Variants in TEFM observed in about 807,000 individuals in gnomAD.
TEFM encodes the protein transcription elongation factor of mitochondria.
TEFM carries 14 observed loss-of-function variants against 23.0 expected under a neutral mutation model. The observed-to-expected ratio is 0.61, with a 90% CI of 0.40 to 0.95. The LOEUF (loss-of-function observed/expected upper bound fraction) is 0.95, where lower values mean the gene tolerates loss of function less well. Ranked by LOEUF, TEFM falls within the 40% of genes least tolerant of loss-of-function variation. TEFM has a pLI of 0.00. For synonymous variants in TEFM, 155 were observed against 158.3 expected (o/e 0.98, Z 0.16); for missense variants, 386 against 425.5 (o/e 0.91, Z 0.82).
intron 2 of TEFM, among the ~76,000 whole-genome samples, chr17:30,902,958 C>T (rs1910073398): frequency 6.6e-6 from 1 of 151,582 alleles, no homozygotes; most frequent in Non-Finnish European, 1.5e-5. Context: ...CTGGCGCCAA[C>T]ATGGTAAAAC....
At chr17:30,903,967 G>T (rs1467187607) in intron 2 of TEFM, 99 bp downstream of exon 2, 1 of 1,018,316 alleles carries the variant, frequency 9.8e-7, no homozygotes, top group Non-Finnish European at 1.4e-6. Context: ...TAAACCTGAA[G>T]AACCCTGTCT....
chr17:30,905,869 A>G (rs1437829670), intron 1 of TEFM, among the ~76,000 whole-genome samples: 2 of 152,168 alleles, frequency 1.3e-5, no homozygotes. Context: ...AGGCCGGGGA[A>G]GCACAAATGT....
At chr17:30,903,891 T>C (rs1910101024) in intron 2 of TEFM, 175 bp downstream of exon 2, 6 of 572,588 alleles carry the variant, frequency 1.0e-5, no homozygotes, top group Admixed American at 3.4e-5. Context: ...TTGTTTTCTC[T>C]CCTCTCAACT....
At chr17:30,903,729 G>C (rs190773136) in intron 2 of TEFM, among the ~76,000 whole-genome samples, 1 of 151,906 alleles carries the variant, frequency 6.6e-6, no homozygotes, top group Non-Finnish European at 1.5e-5. Context: ...TATCTCCAAC[G>C]ACACTCCTCT....
At position 30,906,238 on chromosome 17, in the gene TEFM, C is replaced by T; in HGVS notation, c.-40G>A. ...AGTAGGTCCAGTCTTCCTCCATTGACTTCCGGTTCCTGCGTGCTGCGCCCA... is the reference window on the plus strand; with the variant it reads ...AGTAGGTCCAGTCTTCCTCCATTGATTTCCGGTTCCTGCGTGCTGCGCCCA... On this transcript the variant is annotated 5_prime_UTR_variant, in exon 1 of 4. Transcript: ENST00000581216. The T allele has an allele frequency of 6.2e-7, 1 of 1,614,126 alleles. No homozygotes were observed. The highest frequency in any genetic ancestry group is 2.2e-5 in the East Asian group (1 of 44,872).
rs370890792 is a variant in TEFM, at chr17:30,900,463, G to A, written c.595C>T (p.Arg199Cys). 22 of 1,614,018 alleles carry A rather than the reference G, an allele frequency of 1.4e-5. No homozygotes were observed. Among genetic ancestry groups the A allele is most frequent in the South Asian group, 9.9e-5 (9 of 91,084 alleles). Reference protein sequence around the residue: ...LTVLDWQQSDRWSLMRGIYSS... With the variant: ...LTVLDWQQSDCWSLMRGIYSS... Reference sequence around the variant, plus strand: ...TATATTCCTCTCATTAAACTCCAACGGTCACTTTGCTGCCAGTCCAGCACT... The same window carrying A: ...TATATTCCTCTCATTAAACTCCAACAGTCACTTTGCTGCCAGTCCAGCACT... Residue 199 changes from arginine (R) to cysteine (C), a missense_variant, in exon 3 of 4, where the codon CGT (arginine) becomes TGT (cysteine). Arg to Cys is a radical substitution (Grantham distance 180). Coordinates refer to ENST00000581216, the MANE Select transcript of TEFM (RefSeq NM_024683.4).
chr17:30,900,973 A>G (rs1400217052), intron 2 of TEFM, among the ~76,000 whole-genome samples: 3 of 152,024 alleles, frequency 2.0e-5, no homozygotes, highest in African/African-American at 7.2e-5. Context: ...TTTATGTAAT[A>G]TAAACTTATT....
chr17:30,900,316 C>T, intron 3 of TEFM, 97 bp downstream of exon 3: 1 of 1,189,006 alleles, frequency 8.4e-7, no homozygotes, highest in South Asian at 1.7e-5. Flanking sequence ...AGAAGAAAAC[C>T]CATCTTTACT....
Position 30,899,027 on chromosome 17 carries a change from A to G in TEFM, c.*142T>C. 1 of 807,844 alleles carries G rather than the reference A, an allele frequency of 1.2e-6. No individual in the cohort carries two copies. Among genetic ancestry groups the G allele is most frequent in the Non-Finnish European group, 1.9e-6 (1 of 513,872 alleles). The allele number at this position is 807,844 out of a possible 1,614,324, so 50.0% of individuals were successfully genotyped here. ...TTGATTTGGTCTTGGCTTATTGTGT[A>G]AACCATTTAATAGCCAAAAGTCAGA... On this transcript the variant is annotated 3_prime_UTR_variant, in exon 4 of 4. Transcript: ENST00000581216.
intron 1 of TEFM, among the ~76,000 whole-genome samples, chr17:30,905,133 A>G (rs866788801): frequency 3.3e-5 from 5 of 152,336 alleles, no homozygotes; most frequent in African/African-American, 1.2e-4. Flanking sequence ...TATACCCATC[A>G]GGAAGCAAGT....
At chr17:30,902,008 ATTTT>A (rs1355822438) in intron 2 of TEFM, among the ~76,000 whole-genome samples, 1 of 152,050 alleles carries the variant, frequency 6.6e-6, no homozygotes, top group Non-Finnish European at 1.5e-5. Context: ...GTGGGAAGAA[ATTTT>A]TTTGTTTTGT....
In TEFM at chr17:30,899,044, A is replaced by G; in HGVS notation, c.*125T>C. On this transcript the variant is annotated 3_prime_UTR_variant, in exon 4 of 4. Transcript: ENST00000581216. Reference sequence around the variant, plus strand: ...TATTGTGTAAACCATTTAATAGCCAAAAGTCAGAATTTAAACATCTAAAAT... The same window carrying G: ...TATTGTGTAAACCATTTAATAGCCAGAAGTCAGAATTTAAACATCTAAAAT... 1 of 986,348 alleles carries G rather than the reference A, an allele frequency of 1.0e-6. No individual in the cohort carries two copies. 61.1% of individuals were successfully genotyped at this position (986,348 alleles called of 1,614,324 possible). A position where few individuals can be genotyped will look rare whatever the true frequency, so the allele number is the denominator to read the frequency against.
In TEFM at chr17:30,899,526, A is replaced by T; in HGVS notation, c.726T>A (p.Ser242=). ...GAAAATGTAACAGTATTGGAAACAG[A>T]GATGAGTTCTGAATGGAAAGTCCTG... ...EKTGLSIQNS[S]LFPILLHFHI... The change falls in exon 4 of 4, where the codon TCT becomes TCA. Residue 242 remains serine, a synonymous_variant. Coordinates refer to ENST00000581216, the MANE Select transcript of TEFM (RefSeq NM_024683.4). The T allele has an allele frequency of 1.2e-6, 2 of 1,613,548 alleles. No individual in the cohort carries two copies. Among genetic ancestry groups the T allele is most frequent in the Non-Finnish European group, 1.7e-6 (2 of 1,179,522 alleles).
chr17:30,899,541 G>A lies in TEFM; in HGVS notation c.711C>T (p.Ser237=). 1 of 1,604,294 alleles carries A rather than the reference G, an allele frequency of 6.2e-7. No homozygotes were observed. Among genetic ancestry groups the A allele is most frequent in the Non-Finnish European group, 8.5e-7 (1 of 1,174,090 alleles). The part of the protein sequence containing the change: ...DFYVLEKTGL[S]IQNSSLFPIL... Reference sequence around the variant, plus strand: ...TTGGAAACAGAGATGAGTTCTGAATGGAAAGTCCTGTTTTTTCCAGAACAT... The same window carrying A: ...TTGGAAACAGAGATGAGTTCTGAATAGAAAGTCCTGTTTTTTCCAGAACAT... Residue 237 remains serine (S), a synonymous_variant, in exon 4 of 4, where the codon TCC becomes TCT. Transcript: ENST00000581216.
intron 2 of TEFM, among the ~76,000 whole-genome samples, chr17:30,902,909 G>A (rs1000258870): frequency 1.3e-5 from 2 of 151,648 alleles, no homozygotes; most frequent in African/African-American, 2.4e-5. Flanking sequence ...TCGGGAGCCC[G>A]AGGCAGGTGG....
rs565339727 is a variant in TEFM, at chr17:30,906,211, T to A, written c.-13A>T. On this transcript the variant is annotated 5_prime_UTR_variant, in exon 1 of 4. The change abolishes the stop of an existing upstream ORF in the 5' untranslated region. Coordinates refer to ENST00000581216, the MANE Select transcript of TEFM (RefSeq NM_024683.4). ...CAGACCCGCTCATCTCCAAGTTGAA[T>A]CAGTAGGTCCAGTCTTCCTCCATTG... 9.3e-6 allele frequency: 15 copies of A among 1,614,132 alleles called. No homozygotes were observed. The South Asian group carries it at 1.5e-4, about 17-fold the overall frequency.
Position 30,900,444 on chromosome 17 carries a change from C to G in TEFM, c.614G>C (p.Gly205Ala). 1 of 1,614,124 alleles carries G rather than the reference C, an allele frequency of 6.2e-7. No individual in the cohort carries two copies. Among genetic ancestry groups the G allele is most frequent in the Non-Finnish European group, 8.5e-7 (1 of 1,180,004 alleles). The change falls in exon 3 of 4, where the codon GGA becomes GCA. Residue 205 changes from glycine (G) to alanine (A), a missense_variant. Coordinates refer to ENST00000581216, the MANE Select transcript of TEFM (RefSeq NM_024683.4). ...QQSDRWSLMR[G>A]IYSSSVYLEE... ...TAAATAGACTGATGATGAGTATATT[C>G]CTCTCATTAAACTCCAACGGTCACT...
chr17:30,900,609 TTTC>T (rs1910021376), intron 2 of TEFM, 47 bp from the exon 3 acceptor site: 1 of 1,566,582 alleles, frequency 6.4e-7, no homozygotes, highest in African/African-American at 1.4e-5. Flanking sequence ...ATTTTAGTTT[TTTC>T]TTTTTTTGAG....
chr17:30,900,727 G>A (rs932769387), intron 2 of TEFM, among the ~76,000 whole-genome samples, 165 bp from the exon 3 acceptor site: 2 of 151,574 alleles, frequency 1.3e-5, no homozygotes, highest in African/African-American at 2.4e-5. Context: ...TCAGCCTCCC[G>A]ACTAGCTGGG....
Sources: gnomAD v4.1 joint callset for allele counts (sites outside exome capture counted in the v4.1 genomes callset) on GRCh38, gnomAD v4.1.1 for gene constraint, MANE v1.5 for transcripts, NCBI Gene and HGNC (gene_info 2026-07-23, HGNC 2026-07-21) for gene names.